Variants in PITPNC1 observed in about 807,000 individuals in gnomAD.
PITPNC1 encodes phosphatidylinositol transfer protein cytoplasmic 1.
PITPNC1 carries 18 observed loss-of-function variants against 44.7 expected under a neutral mutation model. The observed-to-expected ratio is 0.40, with a 90% CI of 0.28 to 0.60. The LOEUF (loss-of-function observed/expected upper bound fraction) is 0.60, where lower values mean the gene tolerates loss of function less well. Ranked by LOEUF, PITPNC1 falls within the 20% of genes least tolerant of loss-of-function variation. The pLI is 0.39. For missense variants in PITPNC1, 290 were observed against 418.4 expected, an observed-to-expected ratio of 0.69 and a Z score of 2.68; for synonymous variants, 141 against 149.6, an observed-to-expected ratio of 0.94 and a Z score of 0.42.
chr17:67,378,510 A>G (rs1371636691), intron 1 of PITPNC1, among the ~76,000 whole-genome samples: 1 of 152,074 alleles, frequency 6.6e-6, no homozygotes, highest in African/African-American at 2.4e-5. Context: ...AAGAAAATGA[A>G]TAAACCAAAC....
intron 5 of PITPNC1, among the ~76,000 whole-genome samples, chr17:67,605,317 G>C (rs888475053): frequency 1.3e-5 from 2 of 152,148 alleles, no homozygotes; most frequent in Non-Finnish European, 2.9e-5. Flanking sequence ...TCCCTGCATG[G>C]AGAAGGAGAC....
intron 2 of PITPNC1, among the ~76,000 whole-genome samples, chr17:67,533,467 G>A (rs1394542471): frequency 6.6e-6 from 1 of 150,484 alleles, no homozygotes; most frequent in Non-Finnish European, 1.5e-5. Context: ...CCATGATCAT[G>A]CCACTGCTCT....
intron 5 of PITPNC1, among the ~76,000 whole-genome samples, chr17:67,600,365 A>C (rs972488656): frequency 1.3e-5 from 2 of 152,218 alleles, no homozygotes; most frequent in African/African-American, 4.8e-5. Context: ...ATGTAAATCT[A>C]CTGCCGAAGA....
rs1441148792 is a variant in PITPNC1, at chr17:67,645,210, G to A, written c.462+12972G>A. On this transcript the variant is annotated intron_variant, in intron 6 of 8. Transcript: ENST00000581322. Reference sequence around the variant, plus strand: ...ACAAAAATCAGCCAGGCATGGTGGCGGGCACCTATAATCCCAGCTACTCGG... The same window carrying A: ...ACAAAAATCAGCCAGGCATGGTGGCAGGCACCTATAATCCCAGCTACTCGG... Among the ~76,000 whole-genome samples the A allele has an allele frequency of 5.9e-5, 9 of 151,954 alleles. 1 individual carries two copies. Among genetic ancestry groups the A allele is most frequent in the Non-Finnish European group, 1.2e-4 (8 of 67,990 alleles).
At chr17:67,674,925 T>G (rs2706688) in intron 7 of PITPNC1, among the ~76,000 whole-genome samples, 29,362 of 150,996 alleles carry the variant, frequency 0.19, 3,191 homozygotes, top group African/African-American at 0.29. Context: ...GGCAGGAGAA[T>G]TGCTTGAACC....
chr17:67,520,682 G>A (rs186996944), intron 1 of PITPNC1, among the ~76,000 whole-genome samples: 3 of 152,114 alleles, frequency 2.0e-5, no homozygotes, highest in South Asian at 4.1e-4. Flanking sequence ...CTTAAGAACC[G>A]AGACCGTCCC....
intron 1 of PITPNC1, among the ~76,000 whole-genome samples, chr17:67,487,780 G>A (rs899825988): frequency 1.3e-5 from 2 of 152,164 alleles, no homozygotes; most frequent in African/African-American, 4.8e-5. Context: ...TGGGGGAGCA[G>A]GATGTGTTTA....
chr17:67,440,032 A>ACTGT (rs906339554), intron 1 of PITPNC1, among the ~76,000 whole-genome samples: 1 of 152,172 alleles, frequency 6.6e-6, no homozygotes, highest in African/African-American at 2.4e-5. Flanking sequence ...TGAAATGAGA[A>ACTGT]CTGTCTGTTG....
Position 67,644,640 on chromosome 17 carries a change from G to T in PITPNC1, c.462+12402G>T, listed in dbSNP as rs140835632. On this transcript the variant is annotated intron_variant, in intron 6 of 8. Transcript: ENST00000581322. ...AGTAGAGACAGGGTTTCACCACGTTGGTCAGGCTGCTCTCGAACTCCTGAC... is the reference window on the plus strand; with the variant it reads ...AGTAGAGACAGGGTTTCACCACGTTTGTCAGGCTGCTCTCGAACTCCTGAC... 6.6e-5 allele frequency among the ~76,000 whole-genome samples: 10 copies of T among 152,004 alleles called. No individual in the cohort carries two copies. The East Asian group carries it at 1.6e-3, about 24-fold the overall frequency.
intron 6 of PITPNC1, among the ~76,000 whole-genome samples, chr17:67,633,925 C>T (rs1274524122): frequency 6.6e-6 from 1 of 152,228 alleles, no homozygotes. Flanking sequence ...TTTGGCGTGG[C>T]TCTGCCTGGA....
At chr17:67,634,679 C>T (rs1310151298) in intron 6 of PITPNC1, among the ~76,000 whole-genome samples, 1 of 152,066 alleles carries the variant, frequency 6.6e-6, no homozygotes, top group Non-Finnish European at 1.5e-5. Context: ...GTCACACGTG[C>T]AGGAAGGCAG....
intron 6 of PITPNC1, among the ~76,000 whole-genome samples, chr17:67,636,342 G>A (rs181551900): frequency 3.9e-4 from 59 of 152,028 alleles, no homozygotes; most frequent in African/African-American, 1.4e-3. Flanking sequence ...GCCAAGGCTG[G>A]GAAGCCTTGT....
chr17:67,511,336 C>T (rs1291330935), intron 1 of PITPNC1, among the ~76,000 whole-genome samples: 1 of 152,144 alleles, frequency 6.6e-6, no homozygotes, highest in Non-Finnish European at 1.5e-5. Flanking sequence ...TGCACAATTG[C>T]AAAAGGGTTT....
At chr17:67,690,365 T>C (rs1470297343) in intron 8 of PITPNC1, among the ~76,000 whole-genome samples, 1 of 150,316 alleles carries the variant, frequency 6.7e-6, no homozygotes, top group Non-Finnish European at 1.5e-5. Context: ...GGAGAATCGC[T>C]TGAACCCCGG....
At chr17:67,458,647 A>T (rs1454123384) in intron 1 of PITPNC1, among the ~76,000 whole-genome samples, 1 of 152,134 alleles carries the variant, frequency 6.6e-6, no homozygotes, top group Non-Finnish European at 1.5e-5. Flanking sequence ...TAGTTTTATC[A>T]TTCCAAGTTC....
intron 2 of PITPNC1, among the ~76,000 whole-genome samples, chr17:67,550,924 G>A (rs1300574482): frequency 2.0e-5 from 3 of 152,082 alleles, no homozygotes; most frequent in East Asian, 3.8e-4. Context: ...AGCCGGGCGT[G>A]GTGGCTGGCG....
intron 7 of PITPNC1, among the ~76,000 whole-genome samples, chr17:67,671,603 A>T (rs1450253099): frequency 6.6e-6 from 1 of 152,086 alleles, no homozygotes; most frequent in Non-Finnish European, 1.5e-5. Context: ...GTAATGGCAG[A>T]CTCTGGCACA....
intron 1 of PITPNC1, among the ~76,000 whole-genome samples, chr17:67,468,400 C>CTTTTTTT (rs139820910): frequency 8.3e-6 from 1 of 119,990 alleles, no homozygotes; most frequent in Non-Finnish European, 1.7e-5. Context: ...GCTTTCTTTC[C>CTTTTTTT]TTTTTTTTTT....
At chr17:67,443,897 A>G (rs535654353) in intron 1 of PITPNC1, among the ~76,000 whole-genome samples, 1 of 152,090 alleles carries the variant, frequency 6.6e-6, no homozygotes, top group African/African-American at 2.4e-5. Context: ...AGCCTCCCAA[A>G]GTGCTGGGAT....
Sources: allele counts gnomAD v4.1 joint callset (sites outside exome capture counted in the v4.1 genomes callset), GRCh38; gene constraint gnomAD v4.1.1; transcripts MANE v1.5; gene names NCBI Gene and HGNC (gene_info 2026-07-23, HGNC 2026-07-21).